Variants in FOCAD observed in about 807,000 individuals in gnomAD.
The protein encoded by FOCAD is KIAA1797.
In FOCAD, 198 loss-of-function variants were observed where a neutral mutation model predicts 225.6. The ratio of observed to expected loss-of-function variants is 0.88; its 90% CI spans 0.78 to 0.99. The LOEUF (loss-of-function observed/expected upper bound fraction) is 0.99. FOCAD is among the 50% of genes least tolerant of loss of function. The probability of loss-of-function intolerance (pLI) is 0.00; values close to 1 mark genes in which losing one functional copy is unlikely to be tolerated. For synonymous variants in FOCAD, 897 were observed against 755.0 expected, an observed-to-expected ratio of 1.19 and a Z score of -3.08; for missense variants, 2,713 against 2,123.6, an observed-to-expected ratio of 1.28 and a Z score of -5.46.
chr9:20,851,501 GC>G (rs1827653141), intron 15 of FOCAD, among the ~76,000 whole-genome samples: 1 of 151,654 alleles, frequency 6.6e-6, no homozygotes, highest in Non-Finnish European at 1.5e-5. Context: ...CAAATCCAGG[GC>G]TTATTGCTGT....
At chr9:20,665,713 G>A (rs1821880057) in intron 2 of FOCAD, among the ~76,000 whole-genome samples, 1 of 152,032 alleles carries the variant, frequency 6.6e-6, no homozygotes, top group African/African-American at 2.4e-5. Context: ...TTAATCTCTT[G>A]TTACCCAGAA....
chr9:20,856,044 G>C (rs1390045482), intron 15 of FOCAD, among the ~76,000 whole-genome samples: 1 of 151,724 alleles, frequency 6.6e-6, no homozygotes, highest in Non-Finnish European at 1.5e-5. Flanking sequence ...TAGTGCTGCA[G>C]TAAACATGGG....
chr9:20,743,856 G>T (rs774688834), intron 5 of FOCAD, among the ~76,000 whole-genome samples: 3 of 152,174 alleles, frequency 2.0e-5, no homozygotes, highest in Non-Finnish European at 4.4e-5. Flanking sequence ...GGTCCCCTTT[G>T]AGGTAGACTA....
At chr9:20,932,947 G>T in intron 27 of FOCAD, 67 bp from the exon 28 acceptor site, 1 of 1,084,644 alleles carries the variant, frequency 9.2e-7, no homozygotes, top group Non-Finnish European at 1.4e-6. Context: ...GTATAATATT[G>T]TATTCAGTAT....
intron 21 of FOCAD, among the ~76,000 whole-genome samples, chr9:20,906,284 A>T (rs1463558729): frequency 6.6e-6 from 1 of 151,920 alleles, no homozygotes; most frequent in Non-Finnish European, 1.5e-5. Flanking sequence ...AGTTATCATG[A>T]TTCTGGTGTA....
At chr9:20,934,205 T>C (rs190658636) in intron 28 of FOCAD, among the ~76,000 whole-genome samples, 1 of 152,308 alleles carries the variant, frequency 6.6e-6, no homozygotes, top group Admixed American at 6.5e-5. Flanking sequence ...CAAAAGCTCT[T>C]TCGTTTAATT....
intron 15 of FOCAD, among the ~76,000 whole-genome samples, chr9:20,827,675 A>G (rs1047005256): frequency 5.9e-5 from 9 of 152,084 alleles, no homozygotes; most frequent in African/African-American, 2.2e-4. Context: ...CTGTATGTGG[A>G]ATCTAAAAAT....
intron 1 of FOCAD, among the ~76,000 whole-genome samples, chr9:20,714,303 G>C (rs1825122718): frequency 1.3e-5 from 2 of 152,136 alleles, no homozygotes; most frequent in Admixed American, 1.3e-4. Context: ...TTTCAGATTA[G>C]GGTTGCTCAA....
At chr9:20,704,853 A>G (rs1309975878) in intron 1 of FOCAD, among the ~76,000 whole-genome samples, 1 of 152,210 alleles carries the variant, frequency 6.6e-6, no homozygotes, top group African/African-American at 2.4e-5. Flanking sequence ...AGATTTTCCT[A>G]TTTTGGTAAC....
intron 11 of FOCAD, among the ~76,000 whole-genome samples, chr9:20,817,987 C>T (rs1277120306): frequency 2.0e-5 from 3 of 152,136 alleles, no homozygotes; most frequent in African/African-American, 4.8e-5. Context: ...GACTGAACTA[C>T]TTTACATTAC....
intron 11 of FOCAD, among the ~76,000 whole-genome samples, chr9:20,799,161 G>C (rs1022993630): frequency 6.6e-6 from 1 of 152,186 alleles, no homozygotes; most frequent in African/African-American, 2.4e-5. Context: ...GCGGTTTTGA[G>C]TGAGTTTCTT....
chr9:20,926,522 G>A (rs940888035), intron 26 of FOCAD, 105 bp downstream of exon 26: 8 of 714,304 alleles, frequency 1.1e-5, no homozygotes, highest in African/African-American at 1.8e-5. Context: ...GGTGGCTCAC[G>A]CCTGTAATCC....
chr9:20,883,529 T>C (rs1297564054), intron 20 of FOCAD, among the ~76,000 whole-genome samples: 2 of 152,208 alleles, frequency 1.3e-5, no homozygotes, highest in African/African-American at 4.8e-5. Context: ...TTTCAAGATA[T>C]TGAAGTCACT....
At chr9:20,943,482 T>C (rs1365187888) in intron 28 of FOCAD, among the ~76,000 whole-genome samples, 1 of 152,182 alleles carries the variant, frequency 6.6e-6, no homozygotes, top group African/African-American at 2.4e-5. Context: ...TTGGCCGTGC[T>C]CTGCTGGATG....
At chr9:20,776,267 A>G (rs16938168) in intron 8 of FOCAD, among the ~76,000 whole-genome samples, 4,268 of 152,272 alleles carry the variant, frequency 0.028, 220 homozygotes, top group African/African-American at 0.095. Context: ...TTGTACTTCT[A>G]GAGTGCGCTA....
At chr9:20,935,876 A>G (rs1464531863) in intron 28 of FOCAD, among the ~76,000 whole-genome samples, 1 of 152,178 alleles carries the variant, frequency 6.6e-6, no homozygotes, top group Non-Finnish European at 1.5e-5. Flanking sequence ...TCCCTTCCCC[A>G]TGCTAACCCC....
intron 24 of FOCAD, among the ~76,000 whole-genome samples, chr9:20,921,911 T>A (rs1834470806): frequency 6.6e-6 from 1 of 152,188 alleles, no homozygotes; most frequent in Non-Finnish European, 1.5e-5. Flanking sequence ...GATACCCAGA[T>A]TCTAGTGACC....
chr9:20,816,256 A>G (rs1421286937), intron 11 of FOCAD, among the ~76,000 whole-genome samples: 3 of 152,158 alleles, frequency 2.0e-5, no homozygotes, highest in Non-Finnish European at 2.9e-5. Flanking sequence ...CAGTAAATAT[A>G]CTCATTGCCC....
At chr9:20,977,886 A>G (rs1840355072) in intron 36 of FOCAD, among the ~76,000 whole-genome samples, 1 of 152,204 alleles carries the variant, frequency 6.6e-6, no homozygotes, top group South Asian at 2.1e-4. Context: ...GAAAGGAAGG[A>G]AAATAAGGTG....
Sources: allele counts gnomAD v4.1 joint callset (sites outside exome capture counted in the v4.1 genomes callset), GRCh38; gene constraint gnomAD v4.1.1; transcripts MANE v1.5; gene names NCBI Gene and HGNC (gene_info 2026-07-23, HGNC 2026-07-21).